The following ARHGEF38 variants were observed in gnomAD, a reference collection of about 807,000 sequenced individuals.
ARHGEF38 encodes the protein Rho guanine nucleotide exchange factor 38.
Under a neutral mutation model 79.9 loss-of-function variants are expected in ARHGEF38, and 79 were observed. That is an observed-to-expected ratio of 0.99 (90% CI 0.82 to 1.19). The LOEUF (loss-of-function observed/expected upper bound fraction) is 1.19. ARHGEF38 is among the 50% of genes most tolerant of loss of function. The probability of loss-of-function intolerance (pLI) is 0.00; values close to 1 mark genes in which losing one functional copy is unlikely to be tolerated. For missense variants in ARHGEF38, 962 were observed against 907.2 expected (o/e 1.06, Z -0.78); for synonymous variants, 366 against 328.3 (o/e 1.11, Z -1.24).
chr4:105,632,107 T>C (rs1318649977), intron 4 of ARHGEF38, among the ~76,000 whole-genome samples: 1 of 152,202 alleles, frequency 6.6e-6, no homozygotes, highest in Non-Finnish European at 1.5e-5. Context: ...GATACTACTC[T>C]GGAGGAGGCG....
chr4:105,649,265 T>C (rs572091815), intron 7 of ARHGEF38, among the ~76,000 whole-genome samples: 1 of 152,320 alleles, frequency 6.6e-6, no homozygotes, highest in Admixed American at 6.5e-5. Flanking sequence ...CTTGAGCCAC[T>C]GTCATCCCAA....
At chr4:105,569,747 G>A (rs1726124270) in intron 1 of ARHGEF38, among the ~76,000 whole-genome samples, 1 of 152,180 alleles carries the variant, frequency 6.6e-6, no homozygotes, top group African/African-American at 2.4e-5. Context: ...GTGTGTGTCA[G>A]CTTCTGCATG....
At chr4:105,654,815 G>A (rs1355178338) in intron 8 of ARHGEF38, among the ~76,000 whole-genome samples, 1 of 152,122 alleles carries the variant, frequency 6.6e-6, no homozygotes, top group Non-Finnish European at 1.5e-5. Context: ...CCTTGACAAT[G>A]GCTATGACCA....
chr4:105,579,897 C>T (rs944019623), intron 1 of ARHGEF38, among the ~76,000 whole-genome samples: 4 of 152,076 alleles, frequency 2.6e-5, no homozygotes, highest in African/African-American at 7.2e-5. Context: ...TTACTACTTA[C>T]TCAGTTTTGG....
At chr4:105,553,212 G>T (rs1171215788) in intron 1 of ARHGEF38, among the ~76,000 whole-genome samples, 4 of 151,278 alleles carry the variant, frequency 2.6e-5, no homozygotes. Context: ...TTTTTTTCCT[G>T]GTGAGGGTAA....
At chr4:105,673,464 C>A (rs1381786820) in intron 13 of ARHGEF38, among the ~76,000 whole-genome samples, 1 of 152,060 alleles carries the variant, frequency 6.6e-6, no homozygotes, top group Admixed American at 6.6e-5. Context: ...GCTACCAATC[C>A]CACGTTCATA....
At chr4:105,659,471 G>A in intron 10 of ARHGEF38, 106 bp downstream of exon 10, 1 of 1,096,996 alleles carries the variant, frequency 9.1e-7, no homozygotes, top group South Asian at 1.7e-5. Context: ...TATGCCGTGT[G>A]GTGTGTGTGT....
At chr4:105,659,459 T>A in intron 10 of ARHGEF38, 94 bp downstream of exon 10, 4 of 1,185,218 alleles carry the variant, frequency 3.4e-6, no homozygotes, top group Non-Finnish European at 4.6e-6. Context: ...AGTGTGCACA[T>A]GTATGCCGTG....
intron 2 of ARHGEF38, among the ~76,000 whole-genome samples, chr4:105,590,881 C>A (rs945511153): frequency 1.3e-5 from 2 of 151,742 alleles, no homozygotes; most frequent in Non-Finnish European, 2.9e-5. Flanking sequence ...ATTCATTGGC[C>A]TTTTCTGTTA....
chr4:105,659,219 G>A lies in ARHGEF38; in HGVS notation c.1399G>A (p.Glu467Lys), dbSNP rs573342664. 1.4e-5 allele frequency: 21 copies of A among 1,536,134 alleles called. No homozygotes were observed. The East Asian group carries it at 4.9e-4, about 36-fold the overall frequency. Residue 467 changes from glutamate (E) to lysine (K), a missense_variant, in exon 10 of 14, where the codon GAG becomes AAG. By Grantham distance (56) the Glu-to-Lys change is moderately conservative (BLOSUM62 1). Coordinates refer to ENST00000420470, the MANE Select transcript of ARHGEF38 (RefSeq NM_001242729.2). Reference sequence around the variant, plus strand: ...GTCAGACTTGGCCAAAAAGGAGTATGAGGCCCTCAACGCCCAGCTTGTGGA... The same window carrying A: ...GTCAGACTTGGCCAAAAAGGAGTATAAGGCCCTCAACGCCCAGCTTGTGGA... ...EESDLAKKEY[E>K]ALNAQLVEEL... is the part of the protein sequence containing the mutation.
chr4:105,679,349 C>G lies in ARHGEF38; in HGVS notation c.*1412C>G, dbSNP rs960173128. 7 of 1,026,632 alleles carry G rather than the reference C, an allele frequency of 6.8e-6. No homozygotes were observed. The African/African-American group carries it at 1.1e-4, about 16-fold the overall frequency. The allele number at this position is 1,026,632 out of a possible 1,614,324, so 63.6% of individuals were successfully genotyped here. The stretch of plus-strand genomic sequence containing the variant: ...TTGGAGGAATATCAAAGCAAACACC[C>G]ATATTTCCTTTCAGGAGGCACACTC... On this transcript the variant is annotated 3_prime_UTR_variant, in exon 14 of 14. Coordinates refer to ENST00000420470, the MANE Select transcript of ARHGEF38 (RefSeq NM_001242729.2).
chr4:105,564,633 A>G lies in ARHGEF38; in HGVS notation c.196+11672A>G, dbSNP rs1436365069. Among the ~76,000 whole-genome samples, 5 of 152,206 alleles carry G rather than the reference A, an allele frequency of 3.3e-5. No homozygotes were observed. The East Asian group carries it at 9.6e-4, about 29-fold the overall frequency. On this transcript the variant is annotated intron_variant, in intron 1 of 13. Transcript: ENST00000420470. ...AAAAATAGTTAACATTGTAAATTTT[A>G]TGTCCTGAATATTTTACCACAATAA...
chr4:105,637,980 A>G (rs1185437562), intron 5 of ARHGEF38, among the ~76,000 whole-genome samples: 1 of 152,156 alleles, frequency 6.6e-6, no homozygotes, highest in East Asian at 1.9e-4. Flanking sequence ...GATGCACATC[A>G]AAGCCAAGTC....
intron 1 of ARHGEF38, among the ~76,000 whole-genome samples, chr4:105,558,700 CTGTT>C (rs895296601): frequency 2.0e-5 from 3 of 152,062 alleles, no homozygotes; most frequent in Admixed American, 6.6e-5. Flanking sequence ...GAAATTGAGA[CTGTT>C]TGAGCTATTC....
intron 2 of ARHGEF38, among the ~76,000 whole-genome samples, chr4:105,605,432 T>C (rs1727997506): frequency 6.6e-6 from 1 of 152,070 alleles, no homozygotes; most frequent in African/African-American, 2.4e-5. Flanking sequence ...GAACTCCCAC[T>C]CCCCTTTCTG....
intron 13 of ARHGEF38, among the ~76,000 whole-genome samples, chr4:105,674,418 T>G (rs1578369727): frequency 6.6e-6 from 1 of 152,278 alleles, no homozygotes; most frequent in Non-Finnish European, 1.5e-5. Context: ...CAAAACATAT[T>G]AGCATTTAAG....
intron 2 of ARHGEF38, among the ~76,000 whole-genome samples, chr4:105,599,015 C>G (rs1727707549): frequency 6.6e-6 from 1 of 152,136 alleles, no homozygotes; most frequent in Non-Finnish European, 1.5e-5. Context: ...CCCATTTTCC[C>G]CTGGAGGGAC....
chr4:105,585,800 C>T (rs907135657), intron 1 of ARHGEF38, among the ~76,000 whole-genome samples: 11 of 122,990 alleles, frequency 8.9e-5, no homozygotes, highest in Admixed American at 5.1e-4. Context: ...GGCACTATCT[C>T]GGCTCACTGC....
chr4:105,553,242 C>G (rs1198317014), intron 1 of ARHGEF38, among the ~76,000 whole-genome samples: 1 of 151,472 alleles, frequency 6.6e-6, no homozygotes, highest in Non-Finnish European at 1.5e-5. Flanking sequence ...TTCTAACTTC[C>G]TCTTTTCTTC....
Sources: gnomAD v4.1 joint callset for allele counts (sites outside exome capture counted in the v4.1 genomes callset) on GRCh38, gnomAD v4.1.1 for gene constraint, MANE v1.5 for transcripts, NCBI Gene and HGNC (gene_info 2026-07-23, HGNC 2026-07-21) for gene names.